WDR64: variants seen among roughly 807,000 people sequenced by gnomAD.
The protein encoded by WDR64 is WD repeat domain 64.
WDR64 carries 112 observed loss-of-function variants against 139.3 expected under a neutral mutation model. The observed-to-expected ratio is 0.80, with a 90% confidence interval of 0.69 to 0.94. The LOEUF is 0.94. Among genes scored for constraint, WDR64 ranks in the 40% least tolerant of loss-of-function variants. The pLI is 0.00. For synonymous variants in WDR64, 444 were observed against 437.7 expected (o/e 1.01, Z -0.18); for missense variants, 1,206 against 1,293.1 (o/e 0.93, Z 1.03).
chr1:241,741,402 G>T, intron 11 of WDR64, 114 bp from the exon 12 acceptor site: 1 of 773,642 alleles, frequency 1.3e-6, no homozygotes, highest in East Asian at 2.9e-5. Flanking sequence ...GGCATTGATT[G>T]ATATTGCTAA....
intron 25 of WDR64, among the ~76,000 whole-genome samples, chr1:241,792,492 T>C (rs958982853): frequency 2.6e-5 from 4 of 152,052 alleles, no homozygotes; most frequent in Admixed American, 6.5e-5. Context: ...GCTGAGATCG[T>C]GCCACTGCAC....
At chr1:241,654,471 T>G (rs1665495891) in intron 1 of WDR64, among the ~76,000 whole-genome samples, 1 of 152,230 alleles carries the variant, frequency 6.6e-6, no homozygotes, top group African/African-American at 2.4e-5. Context: ...ACTTGGCCAT[T>G]GCACTAGATT....
chr1:241,727,398 G>T (rs1195030074), intron 10 of WDR64, among the ~76,000 whole-genome samples: 1 of 152,158 alleles, frequency 6.6e-6, no homozygotes, highest in Non-Finnish European at 1.5e-5. Flanking sequence ...AATGTAATGA[G>T]TGTATTAAGA....
At chr1:241,766,128 GTTGATGACAA>G in intron 15 of WDR64, 80 bp from the exon 16 acceptor site, 1 of 1,274,204 alleles carries the variant, frequency 7.8e-7, no homozygotes, top group Non-Finnish European at 1.1e-6. Flanking sequence ...TTTGTTTTAA[GTTGATGACAA>G]TTACAAAGTG....
At chr1:241,758,726 C>A (rs76549912) in intron 15 of WDR64, among the ~76,000 whole-genome samples, 4,033 of 152,166 alleles carry the variant, frequency 0.027, 187 homozygotes, top group African/African-American at 0.092. Flanking sequence ...TCTGATGTGA[C>A]CTCAGACATT....
chr1:241,787,083 G>A (rs558654934), intron 23 of WDR64, among the ~76,000 whole-genome samples: 4 of 152,124 alleles, frequency 2.6e-5, no homozygotes, highest in African/African-American at 4.8e-5. Context: ...GGCCAGGCAC[G>A]GTGGCTCACA....
chr1:241,746,512 G>A (rs1167320291), intron 13 of WDR64, among the ~76,000 whole-genome samples: 1 of 149,522 alleles, frequency 6.7e-6, no homozygotes, highest in Admixed American at 6.6e-5. Flanking sequence ...ATACCATAGA[G>A]TGGGTGGTGT....
Position 241,788,018 on chromosome 1 carries a change from A to G in WDR64, c.2875A>G (p.Ile959Val), listed in dbSNP as rs1659104744. Reference sequence around the variant, plus strand: ...GAAGCAAAAATATGAATATCCTCTGATATTTGACCGGGAAAAGTAAGACCA... The same window carrying G: ...GAAGCAAAAATATGAATATCCTCTGGTATTTGACCGGGAAAAGTAAGACCA... ...TEKQKYEYPL[I>V]FDREKWRKMS... The change falls in exon 24 of 28, where the codon ATA (isoleucine) becomes GTA (valine). Residue 959 changes from isoleucine (I) to valine (V), a missense_variant. Ile to Val is a conservative substitution (Grantham distance 29, BLOSUM62 3). Coordinates refer to ENST00000437684, the MANE Select transcript of WDR64 (RefSeq NM_001367482.1). 1 of 1,591,394 alleles carries G rather than the reference A, an allele frequency of 6.3e-7. No homozygotes were observed. The highest frequency in any genetic ancestry group is 8.5e-7 in the Non-Finnish European group (1 of 1,171,738).
rs192368844 is a variant in WDR64, at chr1:241,721,386, T to C, written c.1055-1911T>C. ...CTTTTTATATGTAAATTATGACTGT[T>C]AATAATTTAGGTTATACATAAATTA... On this transcript the variant is annotated intron_variant, in intron 9 of 27. Coordinates refer to ENST00000437684, the MANE Select transcript of WDR64 (RefSeq NM_001367482.1). Among the ~76,000 whole-genome samples the C allele has an allele frequency of 1.9e-3, 290 of 151,888 alleles. 1 individual carries two copies. The highest frequency in any genetic ancestry group is 6.9e-3 in the African/African-American group (285 of 41,194).
At chr1:241,693,632 G>T (rs923483517) in intron 8 of WDR64, among the ~76,000 whole-genome samples, 1 of 152,202 alleles carries the variant, frequency 6.6e-6, no homozygotes, top group African/African-American at 2.4e-5. Flanking sequence ...CTGTGCATGT[G>T]TGGGGACAGG....
rs1156539944 is a variant in WDR64 at position 241,703,656 on chromosome 1, G to A, written c.975-8146G>A. Among the ~76,000 whole-genome samples, 1 of 151,978 alleles carries A rather than the reference G, an allele frequency of 6.6e-6. No homozygotes were observed. Among genetic ancestry groups the A allele is most frequent in the African/African-American group, 2.4e-5 (1 of 41,360 alleles). ...AAGGATATTCAAACAATTATTTATT[G>A]GGAGCCTTCTATATTCAAAGAACCG... On this transcript the variant is annotated intron_variant, in intron 8 of 27. Transcript: ENST00000437684. This position sits in a 1 kb window ranked among gnomAD's most constrained non-coding sequence, Gnocchi z 5.9.
intron 1 of WDR64, among the ~76,000 whole-genome samples, chr1:241,660,319 T>C (rs1390398891): frequency 6.6e-6 from 1 of 152,226 alleles, no homozygotes; most frequent in East Asian, 1.9e-4. Flanking sequence ...TCCAGCCTTA[T>C]AGTATAGTTT....
intron 6 of WDR64, among the ~76,000 whole-genome samples, chr1:241,679,830 G>C (rs1666708318): frequency 6.6e-6 from 1 of 152,020 alleles, no homozygotes; most frequent in African/African-American, 2.4e-5. Flanking sequence ...TTGAGAGAGG[G>C]GGTAATTCCT....
In WDR64 at chr1:241,741,573, T is replaced by C. The variant is rs370200542; in HGVS notation, c.1379T>C (p.Val460Ala). 5.3e-5 allele frequency: 85 copies of C among 1,613,422 alleles called. No individual in the cohort carries two copies. The highest frequency in any genetic ancestry group is 6.8e-5 in the Non-Finnish European group (80 of 1,179,814). ...LTRMIQDTKQ[V>A]PHTHEREINV... Reference sequence around the variant, plus strand: ...AGGATGATACAAGATACAAAACAGGTTCCTCACACTCATGAACGAGAAATC... The same window carrying C: ...AGGATGATACAAGATACAAAACAGGCTCCTCACACTCATGAACGAGAAATC... Residue 460 changes from valine (V) to alanine (A), a missense_variant, in exon 12 of 28, where the codon GTT becomes GCT. Val to Ala is a moderately conservative substitution (Grantham distance 64). Coordinates refer to ENST00000437684, the MANE Select transcript of WDR64 (RefSeq NM_001367482.1).
At chr1:241,755,875 T>A (rs1311226557) in intron 14 of WDR64, among the ~76,000 whole-genome samples, 1 of 152,208 alleles carries the variant, frequency 6.6e-6, no homozygotes, top group Non-Finnish European at 1.5e-5. Flanking sequence ...TGGTTGTAGA[T>A]GTGTGGCATT....
chr1:241,677,983 A>C (rs895345689), intron 4 of WDR64, among the ~76,000 whole-genome samples: 2 of 152,234 alleles, frequency 1.3e-5, no homozygotes, highest in African/African-American at 2.4e-5. Context: ...TGAGCCACAG[A>C]GGTATAAGCC....
chr1:241,784,953 G>GAAAAAAAAAAAAAAAAAAAAAAA (rs58720618), intron 23 of WDR64, among the ~76,000 whole-genome samples: 43 of 62,240 alleles, frequency 6.9e-4, no homozygotes, highest in African/African-American at 2.3e-3. Context: ...GACTCTGTCT[G>GAAAAAAAAAAAAAAAAAAAAAAA]AAAAAAAAAA....
At chr1:241,657,563 G>T (rs1334142931) in intron 1 of WDR64, among the ~76,000 whole-genome samples, 5 of 151,996 alleles carry the variant, frequency 3.3e-5, no homozygotes, top group Non-Finnish European at 5.9e-5. Context: ...ATCAGCCTCT[G>T]CCTAAAAGGC....
Position 241,769,437 on chromosome 1 carries a change from T to C in WDR64, c.2115T>C (p.Pro705=), listed in dbSNP as rs1030065833. ...YRPEDCFTVN[P]DLHPKHFKIN... is the part of the protein sequence containing the mutation. The stretch of plus-strand genomic sequence containing the variant: ...CTGAAGATTGCTTCACTGTAAACCC[T>C]GACTTGCATCCCAAGCACTTTAAAA... The change falls in exon 17 of 28, where the codon CCT becomes CCC. Residue 705 remains proline (P), a synonymous_variant. Coordinates refer to ENST00000437684, the MANE Select transcript of WDR64 (RefSeq NM_001367482.1). 2.6e-6 allele frequency: 4 copies of C among 1,551,440 alleles called. No individual in the cohort carries two copies. The African/African-American group carries it at 4.1e-5, about 16-fold the overall frequency.
Sources: allele counts gnomAD v4.1 joint callset (sites outside exome capture counted in the v4.1 genomes callset), GRCh38; gene constraint gnomAD v4.1.1; non-coding constraint Gnocchi (gnomAD v3.1); transcripts MANE v1.5; gene names NCBI Gene and HGNC (gene_info 2026-07-23, HGNC 2026-07-21).